The following CCDC73 variants were observed in gnomAD, a reference collection of about 807,000 sequenced individuals.
CCDC73 encodes the protein coiled-coil domain containing 73, also known as coiled-coil domain-containing protein 73.
In CCDC73, 95 loss-of-function variants were observed where a neutral mutation model predicts 116.5. The ratio of observed to expected loss-of-function variants is 0.82; its 90% confidence interval spans 0.69 to 0.97. The LOEUF (loss-of-function observed/expected upper bound fraction) is 0.97. CCDC73 is among the 50% of genes least tolerant of loss of function. The pLI, the probability that CCDC73 is intolerant of heterozygous loss-of-function variation, is 0.00. For missense variants in CCDC73, 1,066 were observed against 1,206.8 expected (o/e 0.88, Z 1.73); for synonymous variants, 398 against 401.3 (o/e 0.99, Z 0.10).
At chr11:32,669,367 T>C (rs1459230722) in intron 9 of CCDC73, among the ~76,000 whole-genome samples, 2 of 152,154 alleles carry the variant, frequency 1.3e-5, no homozygotes, top group East Asian at 3.8e-4. Flanking sequence ...ATTTATGGGG[T>C]ATATTAAATG....
At chr11:32,804,644 G>C in the CCDC73 span, among the ~76,000 whole-genome samples, 1 of 152,304 alleles carries the variant, frequency 6.6e-6, no homozygotes. Context: ...TGAATAGGTT[G>C]CCCTGAGCCT....
At chr11:32,727,615 C>A (rs1850039427) in intron 2 of CCDC73, among the ~76,000 whole-genome samples, 1 of 152,182 alleles carries the variant, frequency 6.6e-6, no homozygotes. Context: ...CTCTGTCCCC[C>A]AGGCTGGAGC....
chr11:32,708,211 TGTAA>T (rs1849871596), intron 3 of CCDC73, among the ~76,000 whole-genome samples: 3 of 152,224 alleles, frequency 2.0e-5, no homozygotes, highest in South Asian at 2.1e-4. Context: ...ATCAGTTGGC[TGTAA>T]GTATTTGGGT....
chr11:32,816,689 G>A, the CCDC73 span, among the ~76,000 whole-genome samples: 4 of 152,106 alleles, frequency 2.6e-5, no homozygotes, highest in Admixed American at 6.6e-5. Flanking sequence ...TGTACTAAGC[G>A]CTTTTCAATG....
At chr11:32,768,697 T>TA (rs944397987) in intron 1 of CCDC73, among the ~76,000 whole-genome samples, 14 of 152,290 alleles carry the variant, frequency 9.2e-5, no homozygotes, top group African/African-American at 2.9e-4. Flanking sequence ...AGAATACACT[T>TA]AGCCAGGTGT....
At chr11:32,740,174 G>T (rs1009223660) in intron 2 of CCDC73, among the ~76,000 whole-genome samples, 4 of 151,898 alleles carry the variant, frequency 2.6e-5, no homozygotes, top group Non-Finnish European at 1.5e-5. Context: ...GTCTTTGTCT[G>T]GTTTGGTATC....
the CCDC73 span, among the ~76,000 whole-genome samples, chr11:32,820,312 C>T: frequency 6.6e-6 from 1 of 152,082 alleles, no homozygotes; most frequent in Admixed American, 6.6e-5. Flanking sequence ...GACACCACGC[C>T]CCACTAATTT....
chr11:32,666,846 G>T (rs1027917955), intron 9 of CCDC73, among the ~76,000 whole-genome samples: 5 of 151,386 alleles, frequency 3.3e-5, no homozygotes, highest in African/African-American at 1.2e-4. Flanking sequence ...TCGTGTAGAT[G>T]TCCTTTCTGT....
intron 6 of CCDC73, among the ~76,000 whole-genome samples, chr11:32,691,467 A>G (rs1389748991): frequency 6.6e-6 from 1 of 152,160 alleles, no homozygotes; most frequent in African/African-American, 2.4e-5. Context: ...GATGTGGCAC[A>G]TCTTTTCATA....
intron 12 of CCDC73, among the ~76,000 whole-genome samples, 169 bp downstream of exon 12, chr11:32,652,954 C>T (rs1442580864): frequency 6.6e-6 from 1 of 152,100 alleles, no homozygotes; most frequent in South Asian, 2.1e-4. Context: ...AATATATGTT[C>T]ATTACTTTAG....
chr11:32,635,923 T>C (rs1223269283), intron 13 of CCDC73, 93 bp from the exon 14 acceptor site: 8 of 803,222 alleles, frequency 1.0e-5, no homozygotes, highest in African/African-American at 1.8e-5. Context: ...TTTCAGGAAA[T>C]AGTCAAAGAA....
chr11:32,791,678 C>T (rs1163605327), intron 1 of CCDC73, among the ~76,000 whole-genome samples: 1 of 152,132 alleles, frequency 6.6e-6, no homozygotes, highest in Admixed American at 6.6e-5. Context: ...CTCAGCCAGG[C>T]GTGGTGGCTA....
chr11:32,699,550 A>AT (rs1849790786), intron 5 of CCDC73, among the ~76,000 whole-genome samples: 1 of 152,232 alleles, frequency 6.6e-6, no homozygotes, highest in African/African-American at 2.4e-5. Flanking sequence ...CTATGCAGCC[A>AT]TAAAAAAAGG....
At chr11:32,644,350 A>C (rs1855758513) in intron 12 of CCDC73, among the ~76,000 whole-genome samples, 2 of 152,174 alleles carry the variant, frequency 1.3e-5, no homozygotes, top group Non-Finnish European at 2.9e-5. Flanking sequence ...GAGGGAGATC[A>C]AAAAACTACC....
At chr11:32,618,271 T>C (rs376900507) in intron 14 of CCDC73, among the ~76,000 whole-genome samples, 3 of 152,202 alleles carry the variant, frequency 2.0e-5, no homozygotes, top group East Asian at 3.9e-4. Context: ...CTTTATCCAA[T>C]CCACTGTTGA....
rs1849771643 is a variant in CCDC73 at position 32,698,010 on chromosome 11, AATTTTTT to A, written c.390+1234_390+1240del. ...TCTGTTGTTTCTTTGTCTAACACTG[AATTTTTT>A]TTTTTTTTTTTTTTTTTTTTTTTTT... On this transcript the variant is annotated intron_variant, in intron 6 of 17. Coordinates refer to ENST00000335185, the MANE Select transcript of CCDC73 (RefSeq NM_001008391.4). 7.6e-5 allele frequency among the ~76,000 whole-genome samples: 9 copies of A among 117,756 alleles called. 1 individual carries two copies. Among genetic ancestry groups the A allele is most frequent in the African/African-American group, 2.0e-4 (6 of 29,922 alleles). 77.3% of individuals were successfully genotyped at this position (117,756 alleles called of 152,430 possible). A position where few individuals can be genotyped will look rare whatever the true frequency, so the allele number is the denominator to read the frequency against.
chr11:32,651,283 C>T (rs957157809), intron 12 of CCDC73, among the ~76,000 whole-genome samples: 19 of 152,200 alleles, frequency 1.2e-4, no homozygotes, highest in African/African-American at 4.6e-4. Flanking sequence ...TGCAGACCCC[C>T]ACCAAGTCAC....
intron 17 of CCDC73, chr11:32,605,131 C>A (rs1251177912): frequency 6.6e-6 from 1 of 151,032 alleles, no homozygotes; most frequent in Non-Finnish European, 1.5e-5. Flanking sequence ...GGATTACAGG[C>A]ATGAGCCACC....
At chr11:32,767,003 G>A (rs995772744) in intron 1 of CCDC73, among the ~76,000 whole-genome samples, 11 of 152,124 alleles carry the variant, frequency 7.2e-5, no homozygotes, top group East Asian at 1.9e-4. Flanking sequence ...AGAAGAGCTC[G>A]CATTGCCAAG....
Sources: allele counts gnomAD v4.1 joint callset (sites outside exome capture counted in the v4.1 genomes callset), GRCh38; gene constraint gnomAD v4.1.1; transcripts MANE v1.5; gene names NCBI Gene and HGNC (gene_info 2026-07-23, HGNC 2026-07-21).